CHLSN: variants seen among roughly 807,000 people sequenced by gnomAD.
The protein encoded by CHLSN is protein cholesin.
the CHLSN span, among the ~76,000 whole-genome samples, chr7:1,015,596 GCTGACCCAGAGGGCAGGGAGGACCCAGGA>G: frequency 1.3e-5 from 2 of 152,212 alleles, no homozygotes; most frequent in Non-Finnish European, 2.9e-5. Context: ...GAGACCCAGG[GCTGACCCAGAGGGCAGGGAGGACCCAGGA>G]CTGACCCAGG....
chr7:1,036,812 C>A, the CHLSN span, among the ~76,000 whole-genome samples: 1 of 148,246 alleles, frequency 6.7e-6, no homozygotes, highest in Non-Finnish European at 1.5e-5. Flanking sequence ...TTTAGGAGCT[C>A]TGCTCAAAGC....
chr7:1,034,679 TG>T, the CHLSN span, among the ~76,000 whole-genome samples: 1 of 152,202 alleles, frequency 6.6e-6, no homozygotes, highest in Non-Finnish European at 1.5e-5. Flanking sequence ...ACTTGTGTCA[TG>T]GGGGTTTGTT....
the CHLSN span, among the ~76,000 whole-genome samples, chr7:1,036,817 C>G: frequency 1.3e-5 from 2 of 148,256 alleles, no homozygotes; most frequent in African/African-American, 4.9e-5. Flanking sequence ...GAGCTCTGCT[C>G]AAAGCCAGAC....
chr7:1,032,622 G>A, the CHLSN span, among the ~76,000 whole-genome samples: 2,441 of 141,940 alleles, frequency 0.017, 104 homozygotes, highest in East Asian at 0.18. Flanking sequence ...GCAGCCACCC[G>A]CCCACACCTC....
the CHLSN span, chr7:984,355 C>T: frequency 1.4e-6 from 2 of 1,468,550 alleles, no homozygotes; most frequent in African/African-American, 4.8e-5. Context: ...CCTGAGGGGA[C>T]CTAAGGGGGG....
At chr7:1,000,053 G>C in the CHLSN span, among the ~76,000 whole-genome samples, 3 of 152,224 alleles carry the variant, frequency 2.0e-5, no homozygotes, top group African/African-American at 7.2e-5. Flanking sequence ...ACACGTGCAG[G>C]TGGCCTCCCT....
chr7:1,085,700 G>A, the CHLSN span, among the ~76,000 whole-genome samples: 13 of 151,406 alleles, frequency 8.6e-5, no homozygotes, highest in African/African-American at 2.2e-4. Flanking sequence ...AAAAATTAGC[G>A]GCTCGCATCT....
At chr7:1,002,623 G>A in the CHLSN span, among the ~76,000 whole-genome samples, 1 of 134,544 alleles carries the variant, frequency 7.4e-6, no homozygotes, top group African/African-American at 2.9e-5. Context: ...TCCTGCGGGT[G>A]GGGAGTCCTG....
the CHLSN span, chr7:988,636 C>A: frequency 6.2e-7 from 1 of 1,602,678 alleles, no homozygotes; most frequent in African/African-American, 1.3e-5. Flanking sequence ...CCCCCGCAGG[C>A]CGCCGCGTCT....
chr7:1,132,773 T>C, the CHLSN span, among the ~76,000 whole-genome samples: 1 of 146,806 alleles, frequency 6.8e-6, no homozygotes, highest in Admixed American at 6.8e-5. Context: ...GAGAAGACAC[T>C]AGTAACTAGA....
At chr7:1,046,783 T>C in the CHLSN span, among the ~76,000 whole-genome samples, 12 of 152,284 alleles carry the variant, frequency 7.9e-5, no homozygotes, top group East Asian at 2.3e-3. Context: ...GGCCAAGGAC[T>C]TTCCCCATTT....
the CHLSN span, among the ~76,000 whole-genome samples, chr7:1,042,489 T>A: frequency 6.6e-6 from 1 of 150,852 alleles, no homozygotes; most frequent in Non-Finnish European, 1.5e-5. Flanking sequence ...CTCTGGAGAG[T>A]GTTTACACCT....
chr7:1,099,343 G>A, the CHLSN span, among the ~76,000 whole-genome samples: 1 of 152,256 alleles, frequency 6.6e-6, no homozygotes, highest in Non-Finnish European at 1.5e-5. Flanking sequence ...CTGGCTAACA[G>A]CCGCCCTGTG....
At chr7:1,082,956 C>T in the CHLSN span, among the ~76,000 whole-genome samples, 23 of 152,330 alleles carry the variant, frequency 1.5e-4, 1 homozygote, top group South Asian at 1.9e-3. Flanking sequence ...GGAGCCTCCC[C>T]GAGGCTCCTT....
chr7:1,112,828 G>T, the CHLSN span, among the ~76,000 whole-genome samples: 5 of 152,318 alleles, frequency 3.3e-5, no homozygotes, highest in East Asian at 9.6e-4. Context: ...AAGCGCAGCG[G>T]CTTCGTAAAC....
the CHLSN span, among the ~76,000 whole-genome samples, chr7:1,027,220 C>T: frequency 3.9e-5 from 6 of 152,362 alleles, no homozygotes; most frequent in African/African-American, 1.4e-4. Context: ...GCCACAACTC[C>T]TCAGTGAACA....
the CHLSN span, chr7:1,057,585 C>G: frequency 1.3e-6 from 1 of 772,092 alleles, no homozygotes; most frequent in Non-Finnish European, 2.4e-6. Flanking sequence ...GGACCTGCAG[C>G]TGGGGCTGTC....
At chr7:1,100,585 T>G in the CHLSN span, among the ~76,000 whole-genome samples, 1 of 152,170 alleles carries the variant, frequency 6.6e-6, no homozygotes, top group Non-Finnish European at 1.5e-5. Context: ...TGGAGGCCTT[T>G]GCTCCAGACA....
the CHLSN span, among the ~76,000 whole-genome samples, chr7:1,020,823 C>T: frequency 2.0e-5 from 3 of 152,194 alleles, no homozygotes; most frequent in Non-Finnish European, 4.4e-5. Context: ...CTGTGTGAAA[C>T]GGAGGAGTGC....
Sources: gnomAD v4.1 joint callset for allele counts (sites outside exome capture counted in the v4.1 genomes callset) on GRCh38, gnomAD v4.1.1 for gene constraint, MANE v1.5 for transcripts, NCBI Gene and HGNC (gene_info 2026-07-23, HGNC 2026-07-21) for gene names.